The following IL16 variants were observed in gnomAD, a reference collection of about 807,000 sequenced individuals.
The protein encoded by IL16 is pro-interleukin-16.
A neutral mutation model predicts 110.1 loss-of-function variants in IL16; 67 were observed. The observed-to-expected ratio is 0.61, with a 90% CI of 0.50 to 0.75. The LOEUF is 0.75. IL16 is among the 30% of genes least tolerant of loss of function. The pLI, the probability that IL16 is intolerant of heterozygous loss-of-function variation, is 0.00. For synonymous variants in IL16, 689 were observed against 662.9 expected, an observed-to-expected ratio of 1.04 and a Z score of -0.61; for missense variants, 1,545 against 1,655.0, an observed-to-expected ratio of 0.93 and a Z score of 1.15.
intron 18 of IL16, among the ~76,000 whole-genome samples, chr15:81,307,008 C>T (rs1472889219): frequency 6.6e-6 from 1 of 152,180 alleles, no homozygotes; most frequent in Admixed American, 6.5e-5. Context: ...CCTCATTTGC[C>T]TTACCCTAGT....
rs188536293 is a variant in IL16, at chr15:81,309,090, C to T, written c.*292C>T. Reference sequence around the variant, plus strand: ...AAATAAAATGGATTTATTAGAATTTCATATGACATTCATGCCTGGCTTCGC... The same window carrying T: ...AAATAAAATGGATTTATTAGAATTTTATATGACATTCATGCCTGGCTTCGC... On this transcript the variant is annotated 3_prime_UTR_variant, in exon 19 of 19. Coordinates refer to ENST00000683961, the MANE Select transcript of IL16 (RefSeq NM_172217.5). 864 of 324,848 alleles carry T rather than the reference C, an allele frequency of 2.7e-3. No homozygotes were observed. The highest frequency in any genetic ancestry group is 4.2e-3 in the Non-Finnish European group (741 of 178,354). The allele number at this position is 324,848 out of a possible 1,614,324, so 20.1% of individuals were successfully genotyped here.
chr15:81,205,169 A>G (rs1401419608), intron 1 of IL16, among the ~76,000 whole-genome samples: 2 of 151,906 alleles, frequency 1.3e-5, no homozygotes, highest in South Asian at 2.1e-4. Flanking sequence ...AGCCGGGCAT[A>G]GTGGCACGTG....
chr15:81,229,537 CT>C (rs1015643153), intron 2 of IL16, among the ~76,000 whole-genome samples: 1 of 151,982 alleles, frequency 6.6e-6, no homozygotes, highest in Admixed American at 6.5e-5. Flanking sequence ...CTCTCTTGTT[CT>C]TTTTTTTAAG....
At chr15:81,216,932 T>C (rs771263156) in intron 1 of IL16, among the ~76,000 whole-genome samples, 49 of 152,094 alleles carry the variant, frequency 3.2e-4, no homozygotes, top group Non-Finnish European at 6.6e-4. Context: ...ACTTAGGCTG[T>C]AAAGCTACAG....
chr15:81,264,930 A>G (rs745730181), intron 3 of IL16, among the ~76,000 whole-genome samples: 72 of 152,374 alleles, frequency 4.7e-4, no homozygotes, highest in Admixed American at 1.1e-3. Context: ...TGTGGCTACT[A>G]GAAAATTTTT....
chr15:81,232,500 A>C (rs1897042872), intron 2 of IL16, among the ~76,000 whole-genome samples: 1 of 152,128 alleles, frequency 6.6e-6, no homozygotes, highest in Admixed American at 6.5e-5. Context: ...CATTAGATTA[A>C]GGAAGTTTGC....
chr15:81,260,923 G>A (rs901106009), intron 3 of IL16, among the ~76,000 whole-genome samples: 1 of 152,170 alleles, frequency 6.6e-6, no homozygotes, highest in Non-Finnish European at 1.5e-5. Flanking sequence ...GGGGTTAAAC[G>A]GTAGATGTAG....
chr15:81,299,684 T>C lies in IL16; in HGVS notation c.2358T>C (p.Ala786=). 1.2e-6 allele frequency: 2 copies of C among 1,614,136 alleles called. No homozygotes were observed. The highest frequency in any genetic ancestry group is 2.7e-5 in the African/African-American group (2 of 75,028). Reference sequence around the variant, plus strand: ...CTGTGAAGAAAGGTCCTCCTGTGGCTCCCAAGCCAGCCTGGTTTCGCCAAA... The same window carrying C: ...CTGTGAAGAAAGGTCCTCCTGTGGCCCCCAAGCCAGCCTGGTTTCGCCAAA... ...SSTVKKGPPV[A]PKPAWFRQSL... is the part of the protein sequence containing the mutation. The change falls in exon 14 of 19, where the codon GCT becomes GCC. Residue 786 remains alanine (A), a synonymous_variant. Transcript: ENST00000683961.
In IL16 at chr15:81,304,889, T is replaced by G. The variant is rs148263064; in HGVS notation, c.3421-1019T>G. ...AAAAGCAAAACTACAGGTACCACATTTTAGTGGTTTCCATGCATGCTATCA... is the reference window on the plus strand; with the variant it reads ...AAAAGCAAAACTACAGGTACCACATGTTAGTGGTTTCCATGCATGCTATCA... On this transcript the variant is annotated intron_variant, in intron 16 of 18. Transcript: ENST00000683961. Among the ~76,000 whole-genome samples, 300 of 152,254 alleles carry G rather than the reference T, an allele frequency of 2.0e-3. 1 individual carries two copies. The highest frequency in any genetic ancestry group is 6.8e-3 in the African/African-American group (284 of 41,522).
chr15:81,289,604 G>A (rs959222179), intron 10 of IL16, among the ~76,000 whole-genome samples: 3 of 152,180 alleles, frequency 2.0e-5, no homozygotes, highest in African/African-American at 7.2e-5. Flanking sequence ...TTCAGGTTCT[G>A]TGCCCAGTTT....
In IL16 at chr15:81,313,417, A is replaced by C. The variant is rs768868417; in HGVS notation, c.*4619A>C. 1.0e-5 allele frequency: 16 copies of C among 1,527,936 alleles called. No individual in the cohort carries two copies. The highest frequency in any genetic ancestry group is 1.8e-4 in the Middle Eastern group (1 of 5,588). 94.6% of individuals were successfully genotyped at this position (1,527,936 alleles called of 1,614,324 possible). A position where few individuals can be genotyped will look rare whatever the true frequency, so the allele number is the denominator to read the frequency against. Reference sequence around the variant, plus strand: ...TTGGTGGGTTCCCTGTGAAGGCAACAGCAGAGCTGTGTTATGATCTGCAGC... The same window carrying C: ...TTGGTGGGTTCCCTGTGAAGGCAACCGCAGAGCTGTGTTATGATCTGCAGC... On this transcript the variant is annotated 3_prime_UTR_variant, in exon 19 of 19. Transcript: ENST00000683961.
chr15:81,296,666 G>A (rs985657300), intron 12 of IL16, among the ~76,000 whole-genome samples: 104 of 152,180 alleles, frequency 6.8e-4, no homozygotes, highest in African/African-American at 2.3e-3. Context: ...AAGAGTCAGG[G>A]TCTTCAAGTA....
Position 81,301,405 on chromosome 15 carries a change from G to C in IL16, c.3211G>C (p.Asp1071His), listed in dbSNP as rs558248563. 15 of 1,613,658 alleles carry C rather than the reference G, an allele frequency of 9.3e-6. No homozygotes were observed. Among genetic ancestry groups the C allele is most frequent in the Non-Finnish European group, 1.3e-5 (15 of 1,179,628 alleles). Residue 1071 changes from aspartate to histidine, a missense_variant, in exon 15 of 19, where the codon GAC (aspartate) becomes CAC (histidine). Asp to His is a moderately conservative substitution (Grantham distance 81, BLOSUM62 -1). Transcript: ENST00000683961. Reference sequence around the variant, plus strand: ...GGAAGCCAAGGAAGACGATGATGGGGACCACAGTTCCCTTCAGTCTGGTCA... The same window carrying C: ...GGAAGCCAAGGAAGACGATGATGGGCACCACAGTTCCCTTCAGTCTGGTCA... ...LTEAKEDDDG[D>H]HSSLQSGQSV...
At chr15:81,207,583 A>C (rs553960942) in intron 1 of IL16, among the ~76,000 whole-genome samples, 1 of 151,436 alleles carries the variant, frequency 6.6e-6, no homozygotes, top group Non-Finnish European at 1.5e-5. Context: ...TATGTGGCCA[A>C]TCTTTAGCTC....
rs768686504 is a variant in IL16 at position 81,299,923 on chromosome 15, C to T, written c.2597C>T (p.Pro866Leu). The change falls in exon 14 of 19, where the codon CCC (proline) becomes CTC (leucine). Residue 866 changes from proline (P) to leucine (L), a missense_variant. By Grantham distance (98) the Pro-to-Leu change is moderately conservative. This residue lies in a region of IL16 where 1,185 missense variants were observed against 1,238.8 expected (regional missense o/e 0.96). Coordinates refer to ENST00000683961, the MANE Select transcript of IL16 (RefSeq NM_172217.5). ...GGAGCCCAGAGACTGAGCCTCCAGCCCTCCTCTGGGGAGGCAGCAAAACCT... is the reference window on the plus strand; with the variant it reads ...GGAGCCCAGAGACTGAGCCTCCAGCTCTCCTCTGGGGAGGCAGCAAAACCT... The part of the protein sequence containing the change: ...DKGAQRLSLQ[P>L]SSGEAAKPLG... The T allele has an allele frequency of 1.9e-6, 3 of 1,613,478 alleles. No individual in the cohort carries two copies. The highest frequency in any genetic ancestry group is 1.1e-5 in the South Asian group (1 of 91,078).
intron 1 of IL16, among the ~76,000 whole-genome samples, chr15:81,224,385 C>T (rs1320359207): frequency 2.0e-5 from 3 of 152,196 alleles, no homozygotes; most frequent in Non-Finnish European, 2.9e-5. Flanking sequence ...CTCCTTTCAC[C>T]ACCTGCTTCA....
intron 4 of IL16, among the ~76,000 whole-genome samples, chr15:81,266,972 G>A (rs1425392550): frequency 1.3e-5 from 2 of 152,182 alleles, no homozygotes; most frequent in Non-Finnish European, 2.9e-5. Flanking sequence ...CAAACTGGGA[G>A]TGTGGTGTCC....
intron 2 of IL16, among the ~76,000 whole-genome samples, chr15:81,252,191 G>T (rs1897790595): frequency 6.6e-6 from 1 of 152,178 alleles, no homozygotes; most frequent in Admixed American, 6.5e-5. Context: ...GAAATACCAG[G>T]ATTCACTGGT....
intron 8 of IL16, among the ~76,000 whole-genome samples, chr15:81,281,786 T>A (rs185943198): frequency 4.6e-5 from 7 of 152,384 alleles, no homozygotes; most frequent in African/African-American, 1.7e-4. Context: ...ACTTCATCCA[T>A]CAGCAAGTCT....
Sources: allele counts gnomAD v4.1 joint callset (sites outside exome capture counted in the v4.1 genomes callset), GRCh38; gene constraint gnomAD v4.1.1; regional missense constraint gnomAD v4.1.1; transcripts MANE v1.5; gene names NCBI Gene and HGNC (gene_info 2026-07-23, HGNC 2026-07-21).